LANCL1: variants seen among roughly 807,000 people sequenced by gnomAD.
The protein encoded by LANCL1 is glutathione S-transferase LANCL1.
LANCL1 carries 50 observed loss-of-function variants against 50.6 expected under a neutral mutation model. The observed-to-expected ratio is 0.99, with a 90% CI of 0.79 to 1.25. The LOEUF (loss-of-function observed/expected upper bound fraction) is 1.25. LANCL1 is among the 50% of genes most tolerant of loss of function. The probability of loss-of-function intolerance (pLI) is 0.00; values close to 1 mark genes in which losing one functional copy is unlikely to be tolerated. For synonymous variants in LANCL1, 188 were observed against 178.6 expected (o/e 1.05, Z -0.42); for missense variants, 532 against 480.7 (o/e 1.11, Z -1.00).
At chr2:210,476,931 C>G (rs1694403570), upstream of LANCL1, among the ~76,000 whole-genome samples, 1 of 152,150 alleles carries the variant, frequency 6.6e-6, no homozygotes, top group South Asian at 2.1e-4. Flanking sequence ...GAGATGTGAC[C>G]AATATTTCCT....
chr2:210,433,080 C>A lies in LANCL1; in HGVS notation c.*1407G>T, dbSNP rs935278995. On this transcript the variant is annotated 3_prime_UTR_variant, in exon 10 of 10. Coordinates refer to ENST00000450366, the MANE Select transcript of LANCL1 (RefSeq NM_006055.3). ...CAATAAAAATAGCATGTTTTTGTGA[C>A]CAAGAGAGCTGTGAAATAGGCACAT... 1 of 152,550 alleles carries A rather than the reference C, an allele frequency of 6.6e-6. No individual in the cohort carries two copies. Among genetic ancestry groups the A allele is most frequent in the African/African-American group, 2.4e-5 (1 of 41,402 alleles). The allele number at this position is 152,550 out of a possible 1,614,324, so 9.4% of individuals were successfully genotyped here.
Position 210,440,613 on chromosome 2 carries a change from A to G in LANCL1, c.675T>C (p.Tyr225=). The G allele has an allele frequency of 6.2e-7, 1 of 1,612,842 alleles. No individual in the cohort carries two copies. The highest frequency in any genetic ancestry group is 8.5e-7 in the Non-Finnish European group (1 of 1,179,628). ...CACTCCTTACCTGCATCAGGTAGTA[A>G]TAAATTCCAGCCAGGCCATGAGCAG... is the stretch of plus-strand genomic sequence containing the variant. The part of the protein sequence containing the change: ...VGAAHGLAGI[Y]YYLMQPSLQV... The change falls in exon 6 of 10, where the codon TAT becomes TAC. Residue 225 remains tyrosine, a synonymous_variant. Coordinates refer to ENST00000450366, the MANE Select transcript of LANCL1 (RefSeq NM_006055.3).
chr2:210,476,611 T>G lies in LANCL1; in HGVS notation c.-17+9A>C. ...CTTCGCGAAAAAGCTGCCAGGGCCC[T>G]TAACCCACCCGGACAAAGAGGCCCC... is the stretch of plus-strand genomic sequence containing the variant. On this transcript the variant is annotated intron_variant, in intron 1 of 9. Transcript: ENST00000450366. 7.4e-7 allele frequency: 1 copy of G among 1,346,676 alleles called. No homozygotes were observed. 83.4% of individuals were successfully genotyped at this position (1,346,676 alleles called of 1,614,324 possible). A position where few individuals can be genotyped will look rare whatever the true frequency, so the allele number is the denominator to read the frequency against.
intron 6 of LANCL1, 117 bp downstream of exon 6, chr2:210,440,481 A>C (rs1693092746): frequency 1.1e-6 from 1 of 916,938 alleles, no homozygotes; most frequent in Non-Finnish European, 1.6e-6. Context: ...CAAGGAGAGT[A>C]CTGTAATGCA....
Position 210,432,318 on chromosome 2 carries a change from T to A in LANCL1, c.*2169A>T, listed in dbSNP as rs1275006711. The A allele has an allele frequency of 2.0e-5, 3 of 152,238 alleles. No individual in the cohort carries two copies. Among genetic ancestry groups the A allele is most frequent in the East Asian group, 3.9e-4 (2 of 5,174 alleles). 9.4% of individuals were successfully genotyped at this position (152,238 alleles called of 1,614,324 possible). ...GCTTAAAAAAAAACCAAACTCTAATTGTGTTTGTGTGGATGAATTTGCTAA... is the reference window on the plus strand; with the variant it reads ...GCTTAAAAAAAAACCAAACTCTAATAGTGTTTGTGTGGATGAATTTGCTAA... On this transcript the variant is annotated 3_prime_UTR_variant, in exon 10 of 10. Coordinates refer to ENST00000450366, the MANE Select transcript of LANCL1 (RefSeq NM_006055.3).
At chr2:210,448,927 C>A (rs1693429816) in intron 4 of LANCL1, among the ~76,000 whole-genome samples, 1 of 152,120 alleles carries the variant, frequency 6.6e-6, no homozygotes, top group African/African-American at 2.4e-5. Context: ...ACCAGAGGTA[C>A]AAGGAGGAGC....
chr2:210,448,616 TAAAG>T (rs1389522088), intron 4 of LANCL1, among the ~76,000 whole-genome samples: 2 of 151,626 alleles, frequency 1.3e-5, no homozygotes, highest in Admixed American at 6.6e-5. Context: ...GCCAGACTAA[TAAAG>T]AAGAAAAGAG....
At chr2:210,454,632 A>G (rs1424851302) in intron 4 of LANCL1, among the ~76,000 whole-genome samples, 1 of 152,194 alleles carries the variant, frequency 6.6e-6, no homozygotes, top group Non-Finnish European at 1.5e-5. Context: ...TAGTACAAAC[A>G]TTTAATAATT....
chr2:210,462,681 A>G (rs1400625720), intron 3 of LANCL1, among the ~76,000 whole-genome samples: 1 of 152,274 alleles, frequency 6.6e-6, no homozygotes, highest in Non-Finnish European at 1.5e-5. Flanking sequence ...CACCTTCTAT[A>G]GAAAAACACT....
chr2:210,463,153 C>T (rs10804182), intron 3 of LANCL1, among the ~76,000 whole-genome samples: 82,528 of 151,654 alleles, frequency 0.54, 23,055 homozygotes, highest in East Asian at 0.82. Flanking sequence ...CTTGCTTTGC[C>T]TCATTTTTCT....
intron 1 of LANCL1, 39 bp from the exon 2 acceptor site, chr2:210,476,451 G>A (rs532246024): frequency 5.1e-6 from 8 of 1,571,420 alleles, no homozygotes; most frequent in Middle Eastern, 2.2e-4. Flanking sequence ...GGTTGAGATA[G>A]GGGCCTCGGC....
rs780956260 is a variant in LANCL1 at position 210,440,649 on chromosome 2, A to G, written c.639T>C (p.Tyr213=). The G allele has an allele frequency of 6.2e-7, 1 of 1,613,952 alleles. No individual in the cohort carries two copies. Among genetic ancestry groups the G allele is most frequent in the East Asian group, 2.2e-5 (1 of 44,862 alleles). Residue 213 remains tyrosine (Y), a synonymous_variant, in exon 6 of 10, where the codon TAT becomes TAC. Transcript: ENST00000450366. ...CCAGGCCATGAGCAGCCCCTACATAATATTCCTGGTACCATTCATACATCA... is the reference window on the plus strand; with the variant it reads ...CCAGGCCATGAGCAGCCCCTACATAGTATTCCTGGTACCATTCATACATCA... ...SPLMYEWYQE[Y]YVGAAHGLAG... is the part of the protein sequence containing the mutation.
intron 4 of LANCL1, among the ~76,000 whole-genome samples, chr2:210,453,184 C>T (rs1693562184): frequency 6.6e-6 from 1 of 152,102 alleles, no homozygotes; most frequent in Admixed American, 6.6e-5. Flanking sequence ...TAAATACTGT[C>T]GAAATGTCAA....
intron 2 of LANCL1, among the ~76,000 whole-genome samples, chr2:210,474,553 TAA>T (rs1334321594): frequency 6.9e-6 from 1 of 143,964 alleles, no homozygotes; most frequent in Non-Finnish European, 1.5e-5. Flanking sequence ...CTGCCTCTAC[TAA>T]AAATACAAAA....
intron 3 of LANCL1, among the ~76,000 whole-genome samples, chr2:210,467,777 C>T (rs1050556196): frequency 2.0e-5 from 3 of 152,146 alleles, no homozygotes; most frequent in African/African-American, 7.2e-5. Flanking sequence ...CATCTCTTCA[C>T]TAGAACCCTT....
chr2:210,449,753 A>G (rs1442773294), intron 4 of LANCL1, among the ~76,000 whole-genome samples: 1 of 152,226 alleles, frequency 6.6e-6, no homozygotes, highest in East Asian at 1.9e-4. Flanking sequence ...ATTGTTACAA[A>G]GAGAATAAAA....
rs757378270 is a variant in LANCL1 at position 210,455,256 on chromosome 2, C to T, written c.258G>A (p.Gln86=). 21 of 1,611,076 alleles carry T rather than the reference C, an allele frequency of 1.3e-5. No homozygotes were observed. The African/African-American group carries it at 1.6e-4, about 12-fold the overall frequency. Residue 86 remains glutamine (Q), a synonymous_variant, in exon 4 of 10, where the codon CAG becomes CAA. Coordinates refer to ENST00000450366, the MANE Select transcript of LANCL1 (RefSeq NM_006055.3). The part of the protein sequence containing the change: ...YDVFGDPAYL[Q]LAHGYVKQSL... Reference sequence around the variant, plus strand: ...TTTGCTTTACATAGCCATGTGCTAACTGTAGGTAGGCAGGGTCCCCAAATA... The same window carrying T: ...TTTGCTTTACATAGCCATGTGCTAATTGTAGGTAGGCAGGGTCCCCAAATA...
intron 3 of LANCL1, among the ~76,000 whole-genome samples, chr2:210,461,449 CTCCTT>C (rs1462313588): frequency 6.6e-6 from 1 of 152,102 alleles, no homozygotes; most frequent in Non-Finnish European, 1.5e-5. Context: ...GCCAGAGTGA[CTCCTT>C]TCAAGTAAGT....
At chr2:210,442,700 G>A (rs1435749496) in intron 4 of LANCL1, 1 of 152,198 alleles carries the variant, frequency 6.6e-6, no homozygotes, top group Non-Finnish European at 1.5e-5. Flanking sequence ...CAAACCAATG[G>A]TGAGTTTACC....
Sources: gnomAD v4.1 joint callset for allele counts (sites outside exome capture counted in the v4.1 genomes callset) on GRCh38, gnomAD v4.1.1 for gene constraint, MANE v1.5 for transcripts, NCBI Gene and HGNC (gene_info 2026-07-23, HGNC 2026-07-21) for gene names.